The following CPNE4 variants were observed in gnomAD, a reference collection of about 807,000 sequenced individuals.
The protein encoded by CPNE4 is copine-4.
A neutral mutation model predicts 67.9 loss-of-function variants in CPNE4; 25 were observed. That is an observed-to-expected ratio of 0.37 (90% confidence interval 0.27 to 0.51). CPNE4 has a LOEUF of 0.51. CPNE4 is among the 20% of genes least tolerant of loss of function. CPNE4 has a pLI of 0.93. For missense variants in CPNE4, 464 were observed against 690.8 expected (o/e 0.67, Z 3.68); for synonymous variants, 242 against 244.9 (o/e 0.99, Z 0.11).
chr3:131,933,750 G>A (rs67713481), intron 1 of CPNE4, among the ~76,000 whole-genome samples: 19,579 of 151,240 alleles, frequency 0.13, 1,299 homozygotes, highest in African/African-American at 0.16. Context: ...TGAACCTGGA[G>A]GACATTATGC....
chr3:131,952,026 C>T (rs1402132188), intron 1 of CPNE4, among the ~76,000 whole-genome samples: 4 of 151,242 alleles, frequency 2.6e-5, no homozygotes, highest in African/African-American at 9.7e-5. Context: ...GGCCGCCCAT[C>T]GTCTGGGATG....
chr3:131,814,339 C>A (rs1045904820), intron 2 of CPNE4, among the ~76,000 whole-genome samples: 1 of 152,004 alleles, frequency 6.6e-6, no homozygotes, highest in African/African-American at 2.4e-5. Flanking sequence ...AGTCACCATT[C>A]TAGAGAGAAA....
chr3:131,562,107 T>G (rs1395904368), intron 11 of CPNE4, among the ~76,000 whole-genome samples: 1 of 152,100 alleles, frequency 6.6e-6, no homozygotes, highest in Non-Finnish European at 1.5e-5. Context: ...TGATTCTTCA[T>G]GTAACTCTTA....
At chr3:131,790,655 T>C (rs11922650) in intron 2 of CPNE4, among the ~76,000 whole-genome samples, 26 of 152,266 alleles carry the variant, frequency 1.7e-4, no homozygotes, top group African/African-American at 6.3e-4. Flanking sequence ...TCTGAAACTC[T>C]TTCTTGACTT....
At chr3:131,622,855 G>T (rs1023660958) in intron 7 of CPNE4, among the ~76,000 whole-genome samples, 1 of 152,168 alleles carries the variant, frequency 6.6e-6, no homozygotes, top group Admixed American at 6.5e-5. Context: ...GGAGTTTGCC[G>T]CTGTCCGTGA....
chr3:131,542,106 A>G (rs544333368), intron 15 of CPNE4, among the ~76,000 whole-genome samples: 1 of 152,308 alleles, frequency 6.6e-6, no homozygotes, highest in Admixed American at 6.5e-5. Context: ...AGGCAAACAC[A>G]GACTTCTGCC....
At chr3:131,888,290 T>G (rs10512831) in intron 2 of CPNE4, among the ~76,000 whole-genome samples, 43,593 of 151,802 alleles carry the variant, frequency 0.29, 7,273 homozygotes, top group Non-Finnish European at 0.37. Context: ...TTCTCCAGAA[T>G]TCAGTTTGAA....
At chr3:131,728,090 GCTTAA>G (rs1038738525) in intron 2 of CPNE4, among the ~76,000 whole-genome samples, 1 of 152,106 alleles carries the variant, frequency 6.6e-6, no homozygotes, top group African/African-American at 2.4e-5. Flanking sequence ...AGAGATTTTT[GCTTAA>G]CTTTTTAAGT....
At chr3:131,937,858 A>C (rs746671902) in intron 1 of CPNE4, among the ~76,000 whole-genome samples, 1 of 152,182 alleles carries the variant, frequency 6.6e-6, no homozygotes, top group African/African-American at 2.4e-5. Flanking sequence ...GAAACGTAAT[A>C]TCATTTCTTA....
chr3:131,930,051 G>C (rs2071011045), intron 1 of CPNE4, among the ~76,000 whole-genome samples: 1 of 152,300 alleles, frequency 6.6e-6, no homozygotes. Context: ...TGGAGGTCTT[G>C]CCAGCAGCGA....
intron 1 of CPNE4, among the ~76,000 whole-genome samples, chr3:132,029,339 A>G (rs1482795546): frequency 6.6e-6 from 1 of 152,202 alleles, no homozygotes; most frequent in Non-Finnish European, 1.5e-5. Flanking sequence ...GAGGCAATCC[A>G]GGCCGGAGAG....
chr3:131,756,967 G>C (rs1335622988), intron 2 of CPNE4, among the ~76,000 whole-genome samples: 1 of 152,170 alleles, frequency 6.6e-6, no homozygotes, highest in African/African-American at 2.4e-5. Context: ...TGCCATGGAA[G>C]AAGTGCCTTT....
chr3:131,621,293 G>T (rs961390904), intron 7 of CPNE4, among the ~76,000 whole-genome samples: 5 of 152,040 alleles, frequency 3.3e-5, no homozygotes, highest in African/African-American at 1.2e-4. Flanking sequence ...CATCCAGGCT[G>T]GAGTGCAGTG....
At chr3:131,715,741 A>G (rs1007294095) in intron 3 of CPNE4, among the ~76,000 whole-genome samples, 2 of 152,224 alleles carry the variant, frequency 1.3e-5, no homozygotes, top group Non-Finnish European at 2.9e-5. Context: ...GTGGGAAAAT[A>G]TGAGGATGAA....
At chr3:132,002,612 G>C (rs1284306069) in intron 1 of CPNE4, among the ~76,000 whole-genome samples, 1 of 152,096 alleles carries the variant, frequency 6.6e-6, no homozygotes, top group African/African-American at 2.4e-5. Flanking sequence ...ATATGACGCA[G>C]GATTTATGTG....
At chr3:132,013,070 A>G (rs895712914) in intron 1 of CPNE4, among the ~76,000 whole-genome samples, 2 of 152,052 alleles carry the variant, frequency 1.3e-5, no homozygotes, top group Non-Finnish European at 2.9e-5. Context: ...TAAAAATACA[A>G]AAATTAGCCA....
intron 2 of CPNE4, among the ~76,000 whole-genome samples, chr3:131,763,505 G>A (rs916632973): frequency 6.6e-5 from 10 of 152,090 alleles, no homozygotes; most frequent in Non-Finnish European, 4.4e-5. Flanking sequence ...GCACATAAGT[G>A]GCTAATGTTC....
chr3:131,794,769 T>C (rs548585146), intron 2 of CPNE4, among the ~76,000 whole-genome samples: 15 of 152,320 alleles, frequency 9.8e-5, no homozygotes, highest in Admixed American at 2.6e-4. Flanking sequence ...CCCTGGGTAG[T>C]TGAGGCTTGA....
At chr3:131,792,728 T>TATACAC (rs1553772333) in intron 2 of CPNE4, among the ~76,000 whole-genome samples, 3 of 93,552 alleles carry the variant, frequency 3.2e-5, no homozygotes, top group South Asian at 3.9e-4. Context: ...TGTATATATA[T>TATACAC]ACACGTGTGT....
Sources: allele counts gnomAD v4.1 joint callset (sites outside exome capture counted in the v4.1 genomes callset), GRCh38; gene constraint gnomAD v4.1.1; transcripts MANE v1.5; gene names NCBI Gene and HGNC (gene_info 2026-07-23, HGNC 2026-07-21).